The following DDX60 variants were observed in gnomAD, a reference collection of about 807,000 sequenced individuals.
The protein encoded by DDX60 is probable ATP-dependent RNA helicase DDX60.
Under a neutral mutation model 212.8 loss-of-function variants are expected in DDX60, and 165 were observed. That is an observed-to-expected ratio of 0.78 (90% CI 0.68 to 0.88). DDX60 has a LOEUF of 0.88. DDX60 is among the 40% of genes least tolerant of loss of function. DDX60 has a pLI of 0.00. For missense variants in DDX60, 1,905 were observed against 2,003.9 expected, an observed-to-expected ratio of 0.95 and a Z score of 0.94; for synonymous variants, 703 against 685.3, an observed-to-expected ratio of 1.03 and a Z score of -0.40.
At chr4:168,259,308 A>C (rs915995995) in intron 25 of DDX60, among the ~76,000 whole-genome samples, 1 of 152,198 alleles carries the variant, frequency 6.6e-6, no homozygotes, top group African/African-American at 2.4e-5. Context: ...AATATCCCAG[A>C]GGTACAGAAT....
At chr4:168,308,447 G>A (rs142818518) in intron 3 of DDX60, among the ~76,000 whole-genome samples, 334 of 152,036 alleles carry the variant, frequency 2.2e-3, no homozygotes, top group Middle Eastern at 0.01. Flanking sequence ...CAGCCTGATA[G>A]GACCATGAAT....
chr4:168,273,400 T>C lies in DDX60; in HGVS notation c.2455-2A>G. ...TGCTGCCACTTGATTAACAAGGGCC[T>C]GATTGACAAAGAAAAAGATCCATTA... On this transcript the variant is annotated splice_acceptor_variant, in intron 17 of 37. Coordinates refer to ENST00000393743, the MANE Select transcript of DDX60 (RefSeq NM_017631.6). LOFTEE classifies it high-confidence loss of function. The C allele has an allele frequency of 6.2e-7, 1 of 1,613,054 alleles. No individual in the cohort carries two copies. Among genetic ancestry groups the C allele is most frequent in the Non-Finnish European group, 8.5e-7 (1 of 1,179,590 alleles).
rs1735142693 is a variant in DDX60 at position 168,272,408 on chromosome 4, G to T, written c.2575-270C>A. Among the ~76,000 whole-genome samples the T allele has an allele frequency of 2.6e-5, 4 of 152,210 alleles. No individual in the cohort carries two copies. The South Asian group carries it at 8.3e-4, about 31-fold the overall frequency. ...TATGAACATTCAGGGTTTAAAAATA[G>T]AAATTATTCATTGTCACAAGTTTCA... On this transcript the variant is annotated intron_variant, in intron 18 of 37. Coordinates refer to ENST00000393743, the MANE Select transcript of DDX60 (RefSeq NM_017631.6).
chr4:168,322,428 G>C (rs572337211), upstream of DDX60, among the ~76,000 whole-genome samples: 1 of 152,230 alleles, frequency 6.6e-6, no homozygotes, highest in South Asian at 2.1e-4. Flanking sequence ...CCAAAGGCTA[G>C]AGCAAGCCTC....
intron 10 of DDX60, among the ~76,000 whole-genome samples, chr4:168,285,896 A>AAAAGG (rs1553969447): frequency 1.7e-5 from 2 of 114,646 alleles, no homozygotes; most frequent in Admixed American, 1.0e-4. Flanking sequence ...AGGAGGGAAG[A>AAAAGG]AAGGAAGGAA....
Position 168,262,090 on chromosome 4 carries a change from T to G in DDX60, c.3183A>C (p.Lys1061Asn). ...CPENFIHFNNKLVIKKMDARK... is the reference protein window; with the variant it reads ...CPENFIHFNNNLVIKKMDARK... ...TAGCATCCATCTTTTTAATGACTAA[T>G]TTATTGTTAAAATGAATGAAGTTTT... is the stretch of plus-strand genomic sequence containing the variant. The change falls in exon 24 of 38, where the codon AAA becomes AAC. Residue 1061 changes from lysine (K) to asparagine (N), a missense_variant. By Grantham distance (94) the Lys-to-Asn change is moderately conservative (BLOSUM62 0). Coordinates refer to ENST00000393743, the MANE Select transcript of DDX60 (RefSeq NM_017631.6). 6.3e-7 allele frequency: 1 copy of G among 1,595,800 alleles called. No individual in the cohort carries two copies. Among genetic ancestry groups the G allele is most frequent in the Admixed American group, 1.8e-5 (1 of 55,870 alleles).
At chr4:168,293,992 T>C in intron 6 of DDX60, 47 bp from the exon 7 acceptor site, 1 of 1,554,808 alleles carries the variant, frequency 6.4e-7, no homozygotes, top group Non-Finnish European at 8.7e-7. Context: ...TAGAAAAATA[T>C]TTTTATTTGT....
At chr4:168,221,345 C>T (rs1336097006) in intron 36 of DDX60, among the ~76,000 whole-genome samples, 2 of 152,104 alleles carry the variant, frequency 1.3e-5, no homozygotes, top group African/African-American at 4.8e-5. Context: ...GTACTCAGTC[C>T]TCTATCTACT....
At chr4:168,219,469 A>G (rs1299894053) in intron 37 of DDX60, among the ~76,000 whole-genome samples, 2 of 152,080 alleles carry the variant, frequency 1.3e-5, no homozygotes, top group East Asian at 3.9e-4. Flanking sequence ...TGCTCTGGAG[A>G]TAATAACTTC....
chr4:168,260,557 C>A (rs1671316), intron 25 of DDX60, among the ~76,000 whole-genome samples: 1 of 151,840 alleles, frequency 6.6e-6, no homozygotes, highest in Non-Finnish European at 1.5e-5. Context: ...GCACAAGGAT[C>A]GAGGGGGATG....
Position 168,224,305 on chromosome 4 carries a change from G to A in DDX60, c.4762C>T (p.Pro1588Ser), listed in dbSNP as rs1733171695. 1.2e-6 allele frequency: 2 copies of A among 1,612,320 alleles called. No homozygotes were observed. Among genetic ancestry groups the A allele is most frequent in the Non-Finnish European group, 1.7e-6 (2 of 1,178,948 alleles). The stretch of plus-strand genomic sequence containing the variant: ...AAGTTCCCAGACAGACAAACAAATG[G>A]TGAAATTGCTACTCTTCCTTCCTTG... ...SCKEGRVAIS[P>S]FVCLSGNFDD... The change falls in exon 35 of 38, where the codon CCA (proline) becomes TCA (serine). Residue 1588 changes from proline (P) to serine (S), a missense_variant. By Grantham distance (74) the Pro-to-Ser change is moderately conservative (BLOSUM62 -1). Transcript: ENST00000393743.
At chr4:168,253,669 T>G (rs1734302868) in intron 26 of DDX60, among the ~76,000 whole-genome samples, 1 of 152,226 alleles carries the variant, frequency 6.6e-6, no homozygotes, top group Non-Finnish European at 1.5e-5. Context: ...ATTCTTGCTT[T>G]TCTTCACCTT....
chr4:168,272,639 C>T (rs1008438844), intron 18 of DDX60, among the ~76,000 whole-genome samples: 1 of 152,134 alleles, frequency 6.6e-6, no homozygotes, highest in Non-Finnish European at 1.5e-5. Context: ...CACAGCAGCC[C>T]GCTGCTTATA....
In DDX60 at chr4:168,224,339, C is replaced by G; in HGVS notation, c.4728G>C (p.Leu1576Phe). The change falls in exon 35 of 38, where the codon TTG becomes TTC. Residue 1576 changes from leucine to phenylalanine, a missense_variant. Physicochemically the swap from Leu to Phe is conservative, Grantham distance 22. Transcript: ENST00000393743. ...ECEDSQLVSH[L>F]MSCKEGRVAI... ...CTACTCTTCCTTCCTTGCAGCTCAT[C>G]AAATGAGATACGAGTTGAGAGTCTT... 6.2e-7 allele frequency: 1 copy of G among 1,611,868 alleles called. No homozygotes were observed. Among genetic ancestry groups the G allele is most frequent in the South Asian group, 1.1e-5 (1 of 91,016 alleles).
At chr4:168,285,642 A>C (rs985311904) in intron 10 of DDX60, 144 bp from the exon 11 acceptor site, 1 of 591,456 alleles carries the variant, frequency 1.7e-6, no homozygotes, top group Non-Finnish European at 2.9e-6. Flanking sequence ...CCTTCTCATA[A>C]AGCTATTTCC....
chr4:168,228,268 T>G (rs1475371186), intron 33 of DDX60, among the ~76,000 whole-genome samples: 1 of 152,156 alleles, frequency 6.6e-6, no homozygotes, highest in Non-Finnish European at 1.5e-5. Flanking sequence ...GTATGCAGTC[T>G]GTTGTGGATC....
At position 168,252,634 on chromosome 4, in the gene DDX60, T is replaced by G. The variant is rs1560828909; in HGVS notation, c.3580A>C (p.Thr1194Pro). Residue 1194 changes from threonine (T) to proline (P), a missense_variant, in exon 27 of 38, where the codon ACC becomes CCC. Coordinates refer to ENST00000393743, the MANE Select transcript of DDX60 (RefSeq NM_017631.6). ...ATTAGGCTTTGATCCACATTTCTGG[T>G]TTTTTTCTGGCTCTTTTCATCTCTG... ...KIIDEKSQKK[T>P]RNVDQSLIHE... is the part of the protein sequence containing the mutation. 2 of 1,610,382 alleles carry G rather than the reference T, an allele frequency of 1.2e-6. No individual in the cohort carries two copies. The highest frequency in any genetic ancestry group is 2.2e-5 in the East Asian group (1 of 44,776).
chr4:168,321,624 C>T (rs376129410), upstream of DDX60, among the ~76,000 whole-genome samples: 4 of 152,252 alleles, frequency 2.6e-5, no homozygotes, highest in Admixed American at 2.0e-4. Context: ...AGAATTCTCT[C>T]CAGCTTTCTG....
the DDX60 span, among the ~76,000 whole-genome samples, chr4:168,324,660 G>A: frequency 2.0e-5 from 3 of 152,348 alleles, no homozygotes; most frequent in Non-Finnish European, 4.4e-5. Flanking sequence ...ATCAGAGATG[G>A]AGCAGTCCTC....
Sources: gnomAD v4.1 joint callset for allele counts (sites outside exome capture counted in the v4.1 genomes callset) on GRCh38, gnomAD v4.1.1 for gene constraint, MANE v1.5 for transcripts, NCBI Gene and HGNC (gene_info 2026-07-23, HGNC 2026-07-21) for gene names.